Variants in SCRG1 observed in about 807,000 individuals in gnomAD.
SCRG1 encodes the protein scrapie-responsive protein 1.
Under a neutral mutation model 7.7 loss-of-function variants are expected in SCRG1, and 3 were observed. The ratio of observed to expected loss-of-function variants is 0.39; its 90% confidence interval spans 0.18 to 1.01. The LOEUF (loss-of-function observed/expected upper bound fraction) is 1.01. SCRG1 is among the 50% of genes least tolerant of loss of function. The probability of loss-of-function intolerance (pLI) is 0.36; values close to 1 mark genes in which losing one functional copy is unlikely to be tolerated. For synonymous variants in SCRG1, 46 were observed against 41.2 expected (o/e 1.12, Z -0.44); for missense variants, 110 against 117.2 (o/e 0.94, Z 0.28).
the SCRG1 span, among the ~76,000 whole-genome samples, chr4:173,502,246 G>A: frequency 1.2e-4 from 19 of 152,188 alleles, no homozygotes; most frequent in East Asian, 3.3e-3. The surrounding 1 kb of genome is among the most constrained non-coding windows in gnomAD (Gnocchi z 4.6). Flanking sequence ...AGCCAGCCCA[G>A]GTAAGTATGT....
At chr4:173,476,385 A>C in the SCRG1 span, among the ~76,000 whole-genome samples, 1 of 91,038 alleles carries the variant, frequency 1.1e-5, no homozygotes, top group Admixed American at 1.1e-4. Flanking sequence ...TATATAATGA[A>C]TTGAAGGGTA....
chr4:173,465,673 C>T, the SCRG1 span, among the ~76,000 whole-genome samples: 1 of 151,296 alleles, frequency 6.6e-6, no homozygotes, highest in African/African-American at 2.4e-5. Context: ...TATATACATA[C>T]ATATATAGAT....
chr4:173,388,285 T>A lies in SCRG1; in HGVS notation c.*56A>T. The A allele has an allele frequency of 1.4e-5, 17 of 1,197,976 alleles. No homozygotes were observed. The highest frequency in any genetic ancestry group is 2.1e-5 in the Non-Finnish European group (17 of 808,494). 74.2% of individuals were successfully genotyped at this position (1,197,976 alleles called of 1,614,324 possible). Reference sequence around the variant, plus strand: ...GAAACTAGAAATGCAGTTATACTGATGTAGTGCAGTTTGTGGGAAATCAGG... The same window carrying A: ...GAAACTAGAAATGCAGTTATACTGAAGTAGTGCAGTTTGTGGGAAATCAGG... On this transcript the variant is annotated 3_prime_UTR_variant, in exon 3 of 3. Transcript: ENST00000296506.
chr4:173,438,094 A>C, the SCRG1 span, among the ~76,000 whole-genome samples: 5 of 152,006 alleles, frequency 3.3e-5, no homozygotes, highest in Non-Finnish European at 7.4e-5. Context: ...GTTGACAACT[A>C]AGTTTTTTAT....
At chr4:173,431,187 T>C in the SCRG1 span, among the ~76,000 whole-genome samples, 3 of 152,158 alleles carry the variant, frequency 2.0e-5, no homozygotes, top group Non-Finnish European at 2.9e-5. Context: ...AGAGTTCTGC[T>C]GATGGGCAAA....
At chr4:173,459,569 AT>A in the SCRG1 span, among the ~76,000 whole-genome samples, 1 of 152,226 alleles carries the variant, frequency 6.6e-6, no homozygotes, top group African/African-American at 2.4e-5. Context: ...ACAGAAGAAA[AT>A]AAAAACGCAA....
the SCRG1 span, among the ~76,000 whole-genome samples, chr4:173,451,521 A>G: frequency 6.6e-6 from 1 of 152,132 alleles, no homozygotes; most frequent in Non-Finnish European, 1.5e-5. Flanking sequence ...TCAAGAGACC[A>G]TTAACTAAAG....
the SCRG1 span, chr4:173,469,264 A>G: frequency 6.6e-6 from 1 of 152,144 alleles, no homozygotes; most frequent in Non-Finnish European, 1.5e-5. Context: ...TTCCCAATAA[A>G]TTTTTCTGTA....
chr4:173,389,908 T>TG (rs1560829003), intron 2 of SCRG1: 2 of 405,794 alleles, frequency 4.9e-6, no homozygotes, highest in Non-Finnish European at 1.0e-5. Flanking sequence ...GAAAGTAATT[T>TG]GAAAAAGCTA....
At chr4:173,417,771 C>T in the SCRG1 span, among the ~76,000 whole-genome samples, 12 of 152,284 alleles carry the variant, frequency 7.9e-5, 1 homozygote, top group South Asian at 2.5e-3. Flanking sequence ...GTAGCTGGCA[C>T]TACAGGTGTG....
At chr4:173,420,935 T>C in the SCRG1 span, among the ~76,000 whole-genome samples, 2 of 152,232 alleles carry the variant, frequency 1.3e-5, no homozygotes, top group South Asian at 2.1e-4. Context: ...GGGAGGAGTA[T>C]ATACTGATAA....
chr4:173,510,340 A>C, the SCRG1 span, among the ~76,000 whole-genome samples: 8 of 152,174 alleles, frequency 5.3e-5, 1 homozygote, highest in South Asian at 1.7e-3. This position sits in a 1 kb window ranked among gnomAD's most constrained non-coding sequence, Gnocchi z 5.7. Context: ...AGGCCTAAGG[A>C]AAGCAGCCGA....
the SCRG1 span, among the ~76,000 whole-genome samples, chr4:173,444,358 T>A: frequency 6.6e-6 from 1 of 152,226 alleles, no homozygotes; most frequent in African/African-American, 2.4e-5. Flanking sequence ...CTGAATGTAA[T>A]TCTGTACACC....
At chr4:173,454,213 G>A in the SCRG1 span, among the ~76,000 whole-genome samples, 1 of 152,144 alleles carries the variant, frequency 6.6e-6, no homozygotes, top group South Asian at 2.1e-4. Context: ...GACAGGCAAT[G>A]CAGTTGAAAA....
chr4:173,490,167 C>G, the SCRG1 span, among the ~76,000 whole-genome samples: 1 of 152,158 alleles, frequency 6.6e-6, no homozygotes, highest in South Asian at 2.1e-4. Flanking sequence ...TAATGATGCT[C>G]ATTTGCAAGG....
the SCRG1 span, among the ~76,000 whole-genome samples, chr4:173,491,693 C>T: frequency 6.6e-6 from 1 of 152,132 alleles, no homozygotes; most frequent in Non-Finnish European, 1.5e-5. Flanking sequence ...GCAATGCCCA[C>T]CCAGCTCTCC....
the SCRG1 span, among the ~76,000 whole-genome samples, chr4:173,480,586 C>T: frequency 1.2e-4 from 18 of 152,024 alleles, no homozygotes; most frequent in African/African-American, 4.3e-4. Flanking sequence ...TAAGAATGTG[C>T]AATTATTATG....
At chr4:173,476,588 G>A in the SCRG1 span, among the ~76,000 whole-genome samples, 5 of 151,822 alleles carry the variant, frequency 3.3e-5, no homozygotes, top group African/African-American at 1.2e-4. Flanking sequence ...TCCTGAACTG[G>A]CTGCATAAGG....
At chr4:173,515,799 A>C in the SCRG1 span, among the ~76,000 whole-genome samples, 2 of 152,146 alleles carry the variant, frequency 1.3e-5, no homozygotes, top group Non-Finnish European at 2.9e-5. This position sits in a 1 kb window ranked among gnomAD's most constrained non-coding sequence, Gnocchi z 4.6. Context: ...AATTGCTCCA[A>C]ATCCAGGCAT....
Sources: allele counts gnomAD v4.1 joint callset (sites outside exome capture counted in the v4.1 genomes callset), GRCh38; gene constraint gnomAD v4.1.1; non-coding constraint Gnocchi (gnomAD v3.1); transcripts MANE v1.5; gene names NCBI Gene and HGNC (gene_info 2026-07-23, HGNC 2026-07-21).